BRSK2: variants seen among roughly 807,000 people sequenced by gnomAD.
The protein encoded by BRSK2 is serine/threonine-protein kinase BRSK2.
BRSK2 carries 19 observed loss-of-function variants against 83.3 expected under a neutral mutation model. That is an observed-to-expected ratio of 0.23 (90% confidence interval 0.16 to 0.33). BRSK2 has a LOEUF of 0.33. BRSK2 is among the 10% of genes least tolerant of loss of function. The pLI, the probability that BRSK2 is intolerant of heterozygous loss-of-function variation, is 1.00. For synonymous variants in BRSK2, 519 were observed against 435.4 expected, an observed-to-expected ratio of 1.19 and a Z score of -2.39; for missense variants, 798 against 1,042.3, an observed-to-expected ratio of 0.77 and a Z score of 3.23.
chr11:1,429,190 T>C (rs1354538689), intron 1 of BRSK2, among the ~76,000 whole-genome samples: 2 of 146,922 alleles, frequency 1.4e-5, no homozygotes, highest in African/African-American at 5.1e-5. Context: ...TGCATGCGCG[T>C]GTGCATGGGT....
intron 13 of BRSK2, 79 bp from the exon 14 acceptor site, chr11:1,450,508 C>A: frequency 2.9e-6 from 2 of 691,514 alleles, no homozygotes; most frequent in Non-Finnish European, 2.4e-6. Context: ...CACCCCTGGG[C>A]CCGCCTGCCC....
chr11:1,460,528 A>G lies in BRSK2; in HGVS notation c.2016A>G (p.Val672=). The change falls in exon 20 of 20, where the codon GTA becomes GTG. Residue 672 remains valine (V), a synonymous_variant. Coordinates refer to ENST00000528841, the MANE Select transcript of BRSK2 (RefSeq NM_001256627.2). ...GCCCATTGAGTAACTTCTTTGACGT[A>G]ATTAAACAACTTTTTTCAGACGAGA... ...CGSPLSNFFD[V]IKQLFSDEKN... is the part of the protein sequence containing the mutation. 1 of 1,497,268 alleles carries G rather than the reference A, an allele frequency of 6.7e-7. No individual in the cohort carries two copies. The highest frequency in any genetic ancestry group is 8.8e-7 in the Non-Finnish European group (1 of 1,133,428). The allele number at this position is 1,497,268 out of a possible 1,614,324, so 92.7% of individuals were successfully genotyped here. A position where few individuals can be genotyped will look rare whatever the true frequency, so the allele number is the denominator to read the frequency against.
chr11:1,403,608 C>T (rs748574639), intron 1 of BRSK2, among the ~76,000 whole-genome samples: 3 of 152,220 alleles, frequency 2.0e-5, no homozygotes, highest in African/African-American at 4.8e-5. Flanking sequence ...CCACCTCTGA[C>T]GGTGTGTCCT....
chr11:1,439,240 C>G (rs1417975648), intron 3 of BRSK2, among the ~76,000 whole-genome samples: 1 of 152,054 alleles, frequency 6.6e-6, no homozygotes, highest in Non-Finnish European at 1.5e-5. Flanking sequence ...AGCTCCCCTT[C>G]CCCCAGCAGC....
chr11:1,460,948 C>T lies in BRSK2; in HGVS notation c.*225C>T. 3.7e-6 allele frequency: 6 copies of T among 1,612,380 alleles called. No homozygotes were observed. Among genetic ancestry groups the T allele is most frequent in the Non-Finnish European group, 5.1e-6 (6 of 1,179,400 alleles). ...CCTCTGCCTGTCTCTGACAGCATCG[C>T]TTGTTTCCACTCTGATACCAGGAAT... On this transcript the variant is annotated 3_prime_UTR_variant, in exon 20 of 20. Transcript: ENST00000528841.
At position 1,461,896 on chromosome 11, in the gene BRSK2, T is replaced by G; in HGVS notation, c.*1173T>G. Reference sequence around the variant, plus strand: ...CTCTGTCATGGGTTCCGTCTCTCTGTGGAGAAGCAGCTCCACCTCTGGGGG... The same window carrying G: ...CTCTGTCATGGGTTCCGTCTCTCTGGGGAGAAGCAGCTCCACCTCTGGGGG... On this transcript the variant is annotated 3_prime_UTR_variant, in exon 20 of 20. Transcript: ENST00000528841. 1 of 151,814 alleles carries G rather than the reference T, an allele frequency of 6.6e-6. No individual in the cohort carries two copies. Among genetic ancestry groups the G allele is most frequent in the Non-Finnish European group, 1.5e-5 (1 of 67,926 alleles). 9.4% of individuals were successfully genotyped at this position (151,814 alleles called of 1,614,324 possible).
chr11:1,419,148 C>T (rs1297275217), intron 1 of BRSK2, among the ~76,000 whole-genome samples: 13 of 102,896 alleles, frequency 1.3e-4, no homozygotes, highest in Admixed American at 2.9e-4. Flanking sequence ...GCACTGGTGG[C>T]GGGGGGGGCC....
rs1339067979 is a variant in BRSK2, at chr11:1,445,319, G to C, written c.838G>C (p.Glu280Gln). Residue 280 changes from glutamate (E) to glutamine (Q), a missense_variant, in exon 10 of 20, where the codon GAG (glutamate) becomes CAG (glutamine). Around this residue, in one of 6 missense-constraint regions of BRSK2, gnomAD observed 145 missense variants for 225.4 expected, o/e 0.64. Coordinates refer to ENST00000528841, the MANE Select transcript of BRSK2 (RefSeq NM_001256627.2). ...YIGGKNEPEP[E>Q]QPIPRKVQIR... Reference sequence around the variant, plus strand: ...AGGGGGCAAGAATGAGCCCGAACCAGAGCAGCCCATTCCTCGCAAGGTGCA... The same window carrying C: ...AGGGGGCAAGAATGAGCCCGAACCACAGCAGCCCATTCCTCGCAAGGTGCA... The C allele has an allele frequency of 1.2e-6, 2 of 1,611,012 alleles. No individual in the cohort carries two copies. Among genetic ancestry groups the C allele is most frequent in the South Asian group, 1.1e-5 (1 of 90,782 alleles).
chr11:1,460,687 G>A lies in BRSK2; in HGVS notation c.2175G>A (p.Lys725=), dbSNP rs1847366384. The A allele has an allele frequency of 1.3e-6, 2 of 1,516,934 alleles. No homozygotes were observed. The highest frequency in any genetic ancestry group is 1.2e-5 in the South Asian group (1 of 82,834). 94.0% of individuals were successfully genotyped at this position (1,516,934 alleles called of 1,614,324 possible). A position where few individuals can be genotyped will look rare whatever the true frequency, so the allele number is the denominator to read the frequency against. Reference sequence around the variant, plus strand: ...ACCCAACGGGCAAGGACACGGCCAAGATGGGCCCGCCCACCGCCCGCCGCG... The same window carrying A: ...ACCCAACGGGCAAGGACACGGCCAAAATGGGCCCGCCCACCGCCCGCCGCG... ...AEYPTGKDTA[K]MGPPTARREQ... Residue 725 remains lysine, a synonymous_variant, in exon 20 of 20, where the codon AAG becomes AAA. Coordinates refer to ENST00000528841, the MANE Select transcript of BRSK2 (RefSeq NM_001256627.2).
chr11:1,424,832 G>A (rs1849019683), intron 1 of BRSK2, among the ~76,000 whole-genome samples: 2 of 152,078 alleles, frequency 1.3e-5, no homozygotes, highest in Non-Finnish European at 2.9e-5. Context: ...CGGGGGGGCA[G>A]GTTGCGGGGG....
chr11:1,409,036 G>A (rs1847135361), intron 1 of BRSK2, among the ~76,000 whole-genome samples: 1 of 152,152 alleles, frequency 6.6e-6, no homozygotes, highest in Non-Finnish European at 1.5e-5. Context: ...AGGGATGTAT[G>A]TGTGTCTGCC....
At chr11:1,417,688 T>G (rs1306701951) in intron 1 of BRSK2, among the ~76,000 whole-genome samples, 7 of 136,446 alleles carry the variant, frequency 5.1e-5, no homozygotes, top group African/African-American at 1.1e-4. Flanking sequence ...CTGCTTCTGT[T>G]GGCTGTTTCT....
chr11:1,410,885 C>G, intron 1 of BRSK2: 1 of 985,978 alleles, frequency 1.0e-6, no homozygotes, highest in Non-Finnish European at 1.2e-6. Context: ...GGAGGGCCTT[C>G]GACGGCCCTT....
At chr11:1,437,816 C>T (rs1197481246) in intron 2 of BRSK2, among the ~76,000 whole-genome samples, 1 of 152,204 alleles carries the variant, frequency 6.6e-6, no homozygotes, top group Non-Finnish European at 1.5e-5. Flanking sequence ...CCAACAGCTC[C>T]AGGCCCCATT....
At chr11:1,445,189 A>G in intron 9 of BRSK2, 105 bp from the exon 10 acceptor site, 1 of 1,494,588 alleles carries the variant, frequency 6.7e-7, no homozygotes, top group Non-Finnish European at 9.1e-7. Context: ...GGGCACAGGG[A>G]GAGTGGCAGG....
At chr11:1,419,914 A>G (rs770552579) in intron 1 of BRSK2, among the ~76,000 whole-genome samples, 14 of 152,172 alleles carry the variant, frequency 9.2e-5, no homozygotes, top group Non-Finnish European at 1.8e-4. Flanking sequence ...TTCCATCTCG[A>G]AAAAAACAGA....
chr11:1,460,378 C>T (rs1847279109), intron 19 of BRSK2, 122 bp from the exon 20 acceptor site: 18 of 1,104,784 alleles, frequency 1.6e-5, no homozygotes, highest in Non-Finnish European at 2.1e-5. Flanking sequence ...CTCGTCGAGG[C>T]CTCTTCGTTC....
At chr11:1,459,138 C>T (rs1398817632) in intron 18 of BRSK2, 54 bp from the exon 19 acceptor site, 2 of 1,584,268 alleles carry the variant, frequency 1.3e-6, no homozygotes, top group African/African-American at 2.7e-5. Flanking sequence ...AGCCAGAAGG[C>T]CCAGGACAGC....
intron 1 of BRSK2, among the ~76,000 whole-genome samples, chr11:1,405,971 C>CAT (rs1846848419): frequency 6.6e-6 from 1 of 152,128 alleles, no homozygotes; most frequent in African/African-American, 2.4e-5. Context: ...CCTTCCCAGA[C>CAT]CCCCACAAGC....
Sources: allele counts gnomAD v4.1 joint callset (sites outside exome capture counted in the v4.1 genomes callset), GRCh38; gene constraint gnomAD v4.1.1; regional missense constraint gnomAD v4.1.1; transcripts MANE v1.5; gene names NCBI Gene and HGNC (gene_info 2026-07-23, HGNC 2026-07-21).